Variants in MYH4 observed in about 807,000 individuals in gnomAD.
The protein encoded by MYH4 is myosin-4.
MYH4 carries 200 observed loss-of-function variants against 229.9 expected under a neutral mutation model. The ratio of observed to expected loss-of-function variants is 0.87; its 90% CI spans 0.78 to 0.98. The LOEUF (loss-of-function observed/expected upper bound fraction) is 0.98, where lower values mean the gene tolerates loss of function less well. Ranked by LOEUF, MYH4 falls within the 50% of genes least tolerant of loss-of-function variation. MYH4 has a pLI of 0.00. For synonymous variants in MYH4, 761 were observed against 834.6 expected (o/e 0.91, Z 1.52); for missense variants, 2,148 against 2,332.6 (o/e 0.92, Z 1.63).
At chr17:10,446,791 G>T (rs1352795762) in intron 35 of MYH4, among the ~76,000 whole-genome samples, 1 of 152,110 alleles carries the variant, frequency 6.6e-6, no homozygotes, top group Non-Finnish European at 1.5e-5. Flanking sequence ...TTAAATAAAA[G>T]TTTCTAGAAT....
Position 10,463,580 on chromosome 17 carries a change from T to G in MYH4, c.712A>C (p.Thr238Pro). ...CGAGAGGAGTTGTCATTCCTCACGG[T>G]CTTGGCATTGCCGAAGGCTTCCAGT... ...PLLEAFGNAK[T>P]VRNDNSSRFG... is the part of the protein sequence containing the mutation. Residue 238 changes from threonine to proline, a missense_variant, in exon 8 of 40, where the codon ACC (threonine) becomes CCC (proline). Transcript: ENST00000255381. 1 of 1,613,772 alleles carries G rather than the reference T, an allele frequency of 6.2e-7. No individual in the cohort carries two copies. The highest frequency in any genetic ancestry group is 8.5e-7 in the Non-Finnish European group (1 of 1,179,676).
At position 10,453,839 on chromosome 17, in the gene MYH4, A is replaced by G; in HGVS notation, c.2738T>C (p.Ile913Thr). 1 of 1,614,092 alleles carries G rather than the reference A, an allele frequency of 6.2e-7. No homozygotes were observed. The highest frequency in any genetic ancestry group is 8.5e-7 in the Non-Finnish European group (1 of 1,180,006). Reference sequence around the variant, plus strand: ...GGCCTCAAGTTGGATTTTGGTTTTAATCAACTGATCACATCTTTCCTCTGC... The same window carrying G: ...GGCCTCAAGTTGGATTTTGGTTTTAGTCAACTGATCACATCTTTCCTCTGC... Reference protein sequence around the residue: ...ADAEERCDQLIKTKIQLEAKI... With the variant: ...ADAEERCDQLTKTKIQLEAKI... The change falls in exon 23 of 40, where the codon ATT becomes ACT. Residue 913 changes from isoleucine (I) to threonine (T), a missense_variant. Transcript: ENST00000255381.
chr17:10,456,704 T>C (rs1449916208), intron 16 of MYH4, 149 bp from the exon 17 acceptor site: 1 of 628,040 alleles, frequency 1.6e-6, no homozygotes, highest in African/African-American at 1.8e-5. Context: ...CTCTCCTCCC[T>C]CAATTGTAGA....
Position 10,457,507 on chromosome 17 carries a change from G to A in MYH4, c.1810C>T (p.Leu604=), listed in dbSNP as rs760095017. 21 of 1,614,068 alleles carry A rather than the reference G, an allele frequency of 1.3e-5. No homozygotes were observed. Among genetic ancestry groups the A allele is most frequent in the Middle Eastern group, 1.6e-4 (1 of 6,084 alleles). ...TACAGCCCCACCACAGTCTCATTCA[G>A]GGGGTCCTTGTTTTTGTCCAGCCAG... is the stretch of plus-strand genomic sequence containing the variant. ...AGWLDKNKDP[L]NETVVGLYQK... The change falls in exon 16 of 40, where the codon CTG becomes TTG. Residue 604 remains leucine (L), a synonymous_variant. Transcript: ENST00000255381.
chr17:10,447,400 T>C (rs2072523930), intron 34 of MYH4, among the ~76,000 whole-genome samples, 184 bp from the exon 35 acceptor site: 1 of 152,214 alleles, frequency 6.6e-6, no homozygotes, highest in Non-Finnish European at 1.5e-5. Context: ...GAACATGATG[T>C]TTTATTATTT....
At chr17:10,444,470 A>T (rs891814225) in intron 39 of MYH4, 134 bp downstream of exon 39, 1 of 650,694 alleles carries the variant, frequency 1.5e-6, no homozygotes, top group Non-Finnish European at 2.6e-6. Context: ...CATTTTTCTC[A>T]TTCTAAATAT....
chr17:10,450,614 G>A lies in MYH4; in HGVS notation c.4020C>T (p.Ala1340=). 6.2e-7 allele frequency: 1 copy of A among 1,614,166 alleles called. No individual in the cohort carries two copies. The highest frequency in any genetic ancestry group is 8.5e-7 in the Non-Finnish European group (1 of 1,180,012). ...KSTLAHALQS[A]RHDCDLLREQ... ...CCCGCAGCAGGTCACAGTCATGGCGGGCTGACTGCAGGGCATGGGCCAGAG... is the reference window on the plus strand; with the variant it reads ...CCCGCAGCAGGTCACAGTCATGGCGAGCTGACTGCAGGGCATGGGCCAGAG... The change falls in exon 30 of 40, where the codon GCC becomes GCT. Residue 1340 remains alanine, a synonymous_variant. Coordinates refer to ENST00000255381, the MANE Select transcript of MYH4 (RefSeq NM_017533.2).
intron 30 of MYH4, 49 bp downstream of exon 30, chr17:10,450,404 C>T (rs1343545194): frequency 1.2e-6 from 2 of 1,613,136 alleles, no homozygotes; most frequent in Non-Finnish European, 8.5e-7. Context: ...TTTTCCTTCA[C>T]TGCCTTTACT....
chr17:10,443,784 A>G lies in MYH4; in HGVS notation c.5668-257T>C, dbSNP rs565984776. Reference sequence around the variant, plus strand: ...TAAAATTAGCCCAGCGTAGTGGTGGATGCCTGTAATTCCAGCTACTCAGGA... The same window carrying G: ...TAAAATTAGCCCAGCGTAGTGGTGGGTGCCTGTAATTCCAGCTACTCAGGA... On this transcript the variant is annotated intron_variant, in intron 39 of 39. Coordinates refer to ENST00000255381, the MANE Select transcript of MYH4 (RefSeq NM_017533.2). This position sits in a 1 kb window ranked among gnomAD's most constrained non-coding sequence, Gnocchi z 4.6. Among the ~76,000 whole-genome samples the G allele has an allele frequency of 1.8e-4, 28 of 152,180 alleles. No homozygotes were observed. Among genetic ancestry groups the G allele is most frequent in the African/African-American group, 4.8e-4 (20 of 41,518 alleles).
rs540851724 is a variant in MYH4 at position 10,451,832 on chromosome 17, T to TTG, written c.3738+108_3738+109insCA. 634 of 1,380,062 alleles carry TTG rather than the reference T, an allele frequency of 4.6e-4. 4 individuals are homozygous for TTG. In the African/African-American group the frequency reaches 8.3e-3, roughly 18 times the overall value. The allele number at this position is 1,380,062 out of a possible 1,614,324, so 85.5% of individuals were successfully genotyped here. On this transcript the variant is annotated intron_variant, in intron 27 of 39. Transcript: ENST00000255381. ...TGTGTACTAGGAGTAAGTTTAAGCTTCAGATGCCATCTAATGTTTGTGTAA... is the reference window on the plus strand; with the variant it reads ...TGTGTACTAGGAGTAAGTTTAAGCTTTGCAGATGCCATCTAATGTTTGTGTAA...
Position 10,445,061 on chromosome 17 carries a change from A to T in MYH4, c.5381T>A (p.Val1794Glu), listed in dbSNP as rs2072496515. Residue 1794 changes from valine to glutamate, a missense_variant, in exon 37 of 40, where the codon GTG becomes GAG. Val to Glu is a moderately radical substitution (Grantham distance 121). Coordinates refer to ENST00000255381, the MANE Select transcript of MYH4 (RefSeq NM_017533.2). ...ERMKKNMEQT[V>E]KDLQLRLDEA... ...ATCCAGACGGAGCTGCAGATCCTTC[A>T]CGGTCTGCTCCATGTTCTTCTTCAT... 11 of 1,613,972 alleles carry T rather than the reference A, an allele frequency of 6.8e-6. No homozygotes were observed. Among genetic ancestry groups the T allele is most frequent in the Non-Finnish European group, 9.3e-6 (11 of 1,179,978 alleles).
chr17:10,445,565 A>G (rs940801894), intron 35 of MYH4, among the ~76,000 whole-genome samples: 12 of 152,130 alleles, frequency 7.9e-5, no homozygotes, highest in Non-Finnish European at 1.6e-4. Flanking sequence ...TTAATTTTTG[A>G]TGTCAAACAT....
chr17:10,455,348 A>G, intron 19 of MYH4, 53 bp from the exon 20 acceptor site: 1 of 1,552,498 alleles, frequency 6.4e-7, no homozygotes, highest in Non-Finnish European at 8.8e-7. Flanking sequence ...TGAAAAAAAC[A>G]GTAGAACATT....
rs774820549 is a variant in MYH4 at position 10,454,564 on chromosome 17, T to C, written c.2682A>G (p.Gln894=). ...LMQEKNDLQL[Q]VQAEADALAD... ...AATGTATAATACTTACAGCTTGAAC[T>C]TGGAGTTGTAAGTCATTTTTCTCTT... The change falls in exon 22 of 40, where the codon CAA becomes CAG. Residue 894 remains glutamine (Q), a synonymous_variant. Transcript: ENST00000255381. The C allele has an allele frequency of 6.2e-7, 1 of 1,613,720 alleles. No individual in the cohort carries two copies. The highest frequency in any genetic ancestry group is 8.5e-7 in the Non-Finnish European group (1 of 1,179,938).
rs201930583 is a variant in MYH4, at chr17:10,465,403, A to T, written c.505+39T>A. Reference sequence around the variant, plus strand: ...TTTTTTCTGATATCAGTATACAACTATTTTACAAATGGCTATGGAAATTGT... The same window carrying T: ...TTTTTTCTGATATCAGTATACAACTTTTTTACAAATGGCTATGGAAATTGT... On this transcript the variant is annotated intron_variant, in intron 5 of 39. Coordinates refer to ENST00000255381, the MANE Select transcript of MYH4 (RefSeq NM_017533.2). The T allele has an allele frequency of 2.0e-4, 316 of 1,609,022 alleles. 3 individuals are homozygous for T. The East Asian group carries it at 6.7e-3, about 34-fold the overall frequency.
In MYH4 at chr17:10,453,147, C is replaced by A. The variant is rs2046135177; in HGVS notation, c.3111+5G>T. ...AAGGGGAAACATTTTCTTTTTCACA[C>A]TTACATCGTCCACTTGCTGTTCTAG... On this transcript the variant is annotated splice_donor_5th_base_variant and intron_variant, in intron 24 of 39. Transcript: ENST00000255381. 1 of 1,613,992 alleles carries A rather than the reference C, an allele frequency of 6.2e-7. No homozygotes were observed. The highest frequency in any genetic ancestry group is 8.5e-7 in the Non-Finnish European group (1 of 1,180,008).
chr17:10,450,463 C>T lies in MYH4; in HGVS notation c.4171G>A (p.Glu1391Lys), dbSNP rs771857725. 2 of 1,614,020 alleles carry T rather than the reference C, an allele frequency of 1.2e-6. No individual in the cohort carries two copies. The highest frequency in any genetic ancestry group is 1.7e-6 in the Non-Finnish European group (2 of 1,179,892). ...TDAIQRTEELEEAKKKLAQRL... is the reference protein window; with the variant it reads ...TDAIQRTEELKEAKKKLAQRL... ...ACTAAAAGCACATACTTGGCCTCCT[C>T]CAGCTCCTCTGTGCGCTGGATGGCG... Residue 1391 changes from glutamate to lysine, a missense_variant, in exon 30 of 40, where the codon GAG (glutamate) becomes AAG (lysine). Coordinates refer to ENST00000255381, the MANE Select transcript of MYH4 (RefSeq NM_017533.2).
At chr17:10,456,136 G>A (rs1358097344) in intron 17 of MYH4, among the ~76,000 whole-genome samples, 1 of 152,120 alleles carries the variant, frequency 6.6e-6, no homozygotes, top group African/African-American at 2.4e-5. Context: ...ACTTTGTATT[G>A]CGATTTTTGT....
Position 10,453,259 on chromosome 17 carries a change from CCTT to C in MYH4, c.3001_3003del (p.Lys1001del). ...GTCTGCTGGTGGGCCTCCTGGAGAGCCTTCTTCTCCTTGGTCAGCTTAGCAATG... is the reference window on the plus strand; with the variant it reads ...GTCTGCTGGTGGGCCTCCTGGAGAGCCTTCTCCTTGGTCAGCTTAGCAATG... On this transcript the variant is annotated inframe_deletion, in exon 24 of 40. Transcript: ENST00000255381. 1.2e-6 allele frequency: 2 copies of C among 1,614,030 alleles called. No homozygotes were observed. Among genetic ancestry groups the C allele is most frequent in the Non-Finnish European group, 1.7e-6 (2 of 1,180,024 alleles).
Sources: gnomAD v4.1 joint callset for allele counts (sites outside exome capture counted in the v4.1 genomes callset) on GRCh38, gnomAD v4.1.1 for gene constraint, Gnocchi (gnomAD v3.1) non-coding constraint, MANE v1.5 for transcripts, NCBI Gene and HGNC (gene_info 2026-07-23, HGNC 2026-07-21) for gene names.